The following XPO7 variants were observed in gnomAD, a reference collection of about 807,000 sequenced individuals.
XPO7 encodes the protein exportin-7.
Under a neutral mutation model 144.3 loss-of-function variants are expected in XPO7, and 21 were observed. The observed-to-expected ratio is 0.15, with a 90% CI of 0.10 to 0.21. The LOEUF is 0.21. Among genes scored for constraint, XPO7 ranks in the 10% least tolerant of loss-of-function variants. The pLI is 1.00. For synonymous variants in XPO7, 580 were observed against 499.6 expected, an observed-to-expected ratio of 1.16 and a Z score of -2.15; for missense variants, 808 against 1,325.8, an observed-to-expected ratio of 0.61 and a Z score of 6.06.
intron 1 of XPO7, among the ~76,000 whole-genome samples, chr8:21,945,988 G>T (rs1811177816): frequency 6.6e-6 from 1 of 152,166 alleles, no homozygotes; most frequent in Non-Finnish European, 1.5e-5. Context: ...GAGACTTCAG[G>T]ATCCTAGAAA....
Position 21,974,693 on chromosome 8 carries a change from C to T in XPO7, c.516C>T (p.Thr172=). 6.3e-7 allele frequency: 1 copy of T among 1,593,034 alleles called. No individual in the cohort carries two copies. Among genetic ancestry groups the T allele is most frequent in the Non-Finnish European group, 8.6e-7 (1 of 1,169,230 alleles). Reference sequence around the variant, plus strand: ...AGGCAGACACCACCCATCCTTTAACCAAGCACAGAAAAATAGCCTCTTCTT... The same window carrying T: ...AGGCAGACACCACCCATCCTTTAACTAAGCACAGAAAAATAGCCTCTTCTT... ...INQADTTHPL[T]KHRKIASSFR... Residue 172 remains threonine, a synonymous_variant, in exon 6 of 28, where the codon ACC becomes ACT. Coordinates refer to ENST00000252512, the MANE Select transcript of XPO7 (RefSeq NM_015024.5).
intron 23 of XPO7, 115 bp downstream of exon 23, chr8:21,999,420 T>C: frequency 1.3e-6 from 2 of 1,566,636 alleles, no homozygotes; most frequent in Non-Finnish European, 8.7e-7. Flanking sequence ...CTCCTTTTGC[T>C]CTAACTAAGT....
intron 1 of XPO7, among the ~76,000 whole-genome samples, chr8:21,949,579 G>A (rs1307155436): frequency 6.6e-6 from 1 of 152,232 alleles, no homozygotes; most frequent in African/African-American, 2.4e-5. Context: ...AGAGCAATAT[G>A]GTGAACATTA....
chr8:21,959,154 G>A (rs896932870), intron 1 of XPO7, among the ~76,000 whole-genome samples: 4 of 152,122 alleles, frequency 2.6e-5, no homozygotes, highest in South Asian at 2.1e-4. Context: ...CAGAATCTGC[G>A]AATAACGAGG....
intron 26 of XPO7, among the ~76,000 whole-genome samples, 162 bp downstream of exon 26, chr8:22,003,479 A>G (rs1813222902): frequency 6.6e-6 from 1 of 152,260 alleles, no homozygotes; most frequent in South Asian, 2.1e-4. Context: ...TCAGTATCAC[A>G]TAATCATTTA....
intron 9 of XPO7, among the ~76,000 whole-genome samples, chr8:21,980,483 C>CT (rs1227565099): frequency 6.6e-6 from 1 of 152,018 alleles, no homozygotes; most frequent in Non-Finnish European, 1.5e-5. Context: ...AGTTAAGACT[C>CT]TAACATCTCC....
At chr8:21,982,559 C>CT in intron 10 of XPO7, 81 bp from the exon 11 acceptor site, 8 of 1,455,368 alleles carry the variant, frequency 5.5e-6, no homozygotes, top group Non-Finnish European at 7.3e-6. Context: ...AGAAAAAAGT[C>CT]TTTATCTTCT....
intron 8 of XPO7, 75 bp from the exon 9 acceptor site, chr8:21,980,009 G>A (rs900730423): frequency 7.1e-7 from 1 of 1,417,684 alleles, no homozygotes; most frequent in East Asian, 2.7e-5. Flanking sequence ...GATATTGTAG[G>A]AGGTGGAACG....
intron 19 of XPO7, 62 bp from the exon 20 acceptor site, chr8:21,994,301 C>A: frequency 7.9e-7 from 1 of 1,266,004 alleles, no homozygotes; most frequent in South Asian, 1.3e-5. Flanking sequence ...GTGGAATCCT[C>A]ATCAGATTGT....
intron 1 of XPO7, among the ~76,000 whole-genome samples, chr8:21,928,185 C>T (rs549670484): frequency 6.6e-6 from 1 of 152,304 alleles, no homozygotes; most frequent in South Asian, 2.1e-4. Flanking sequence ...AATGGACTTA[C>T]TGTATACTCT....
At chr8:21,927,633 C>T (rs1179815775) in intron 1 of XPO7, among the ~76,000 whole-genome samples, 4 of 151,302 alleles carry the variant, frequency 2.6e-5, no homozygotes, top group Non-Finnish European at 4.4e-5. Flanking sequence ...GCAACCTCTG[C>T]CTCCCGGGTT....
At chr8:21,996,717 T>C (rs1812960277) in intron 21 of XPO7, among the ~76,000 whole-genome samples, 1 of 152,238 alleles carries the variant, frequency 6.6e-6, no homozygotes, top group African/African-American at 2.4e-5. Context: ...ACCTTAGCTT[T>C]CCTAGAATTT....
chr8:21,977,007 A>G (rs1812245271), intron 7 of XPO7, among the ~76,000 whole-genome samples: 1 of 152,214 alleles, frequency 6.6e-6, no homozygotes, highest in Admixed American at 6.5e-5. Context: ...GTAATCTCAT[A>G]GATCCCCCAG....
At chr8:21,998,646 C>T (rs2117400196) in intron 21 of XPO7, 109 bp from the exon 22 acceptor site, 1 of 830,264 alleles carries the variant, frequency 1.2e-6, no homozygotes, top group South Asian at 1.7e-5. Context: ...CAATTGCTTA[C>T]CTTAATGTAA....
chr8:21,961,587 C>G (rs1033427735), intron 1 of XPO7, among the ~76,000 whole-genome samples: 1 of 152,116 alleles, frequency 6.6e-6, no homozygotes, highest in East Asian at 1.9e-4. Flanking sequence ...TAGCAACATA[C>G]GAGTTCTGGT....
intron 1 of XPO7, among the ~76,000 whole-genome samples, chr8:21,963,318 G>A (rs1811783677): frequency 1.3e-5 from 2 of 152,180 alleles, no homozygotes; most frequent in South Asian, 4.1e-4. Context: ...ATTATTGGGA[G>A]TGTCATTGAC....
chr8:21,969,732 T>C, intron 3 of XPO7, 156 bp downstream of exon 3: 1 of 760,168 alleles, frequency 1.3e-6, no homozygotes, highest in Non-Finnish European at 2.1e-6. Context: ...TTGGGGCTTA[T>C]GAAAGTGAAG....
At chr8:21,980,250 C>A in intron 9 of XPO7, 47 bp downstream of exon 9, 1 of 1,532,406 alleles carries the variant, frequency 6.5e-7, no homozygotes, top group South Asian at 1.2e-5. Flanking sequence ...AGTGTATGGC[C>A]AGCTGTTATG....
intron 2 of XPO7, among the ~76,000 whole-genome samples, chr8:21,968,733 T>C (rs985673996): frequency 2.6e-5 from 4 of 152,240 alleles, no homozygotes; most frequent in Admixed American, 2.0e-4. Context: ...TAAAATACTT[T>C]AATGCTTCTG....
Sources: gnomAD v4.1 joint callset for allele counts (sites outside exome capture counted in the v4.1 genomes callset) on GRCh38, gnomAD v4.1.1 for gene constraint, MANE v1.5 for transcripts, NCBI Gene and HGNC (gene_info 2026-07-23, HGNC 2026-07-21) for gene names.